ZNF420: variants seen among roughly 807,000 people sequenced by gnomAD.
ZNF420 encodes zinc finger protein 420, also known as ATM and p53-associated KZNF protein.
Under a neutral mutation model 44.7 loss-of-function variants are expected in ZNF420, and 31 were observed. The ratio of observed to expected loss-of-function variants is 0.69; its 90% confidence interval spans 0.52 to 0.94. The LOEUF (loss-of-function observed/expected upper bound fraction) is 0.94, where lower values mean the gene tolerates loss of function less well. Ranked by LOEUF, ZNF420 falls within the 40% of genes least tolerant of loss-of-function variation. The pLI is 0.00. For synonymous variants in ZNF420, 245 were observed against 267.4 expected (o/e 0.92, Z 0.82); for missense variants, 681 against 827.9 (o/e 0.82, Z 2.18).
In ZNF420 at chr19:37,128,179, TG is replaced by T. The variant is rs772822644; in HGVS notation, c.1190del (p.Gly397GlufsTer178). On this transcript the variant is annotated frameshift_variant, in exon 5 of 5. Transcript: ENST00000337995. LOFTEE classifies it high-confidence loss of function. ...NEKPYECKECGKMFSHGSQLT... is the reference protein window; with the variant it reads ...NEKPYECKECXKMFSHGSQLT... ...AAAAGCCCTATGAATGTAAGGAATG[TG>T]GAAAGATGTTTAGTCATGGCTCACA... 1.2e-6 allele frequency: 2 copies of T among 1,614,042 alleles called. No homozygotes were observed. Among genetic ancestry groups the T allele is most frequent in the Admixed American group, 3.3e-5 (2 of 60,008 alleles).
intron 4 of ZNF420, among the ~76,000 whole-genome samples, chr19:37,095,570 A>G (rs182845122): frequency 1.3e-5 from 2 of 152,110 alleles, no homozygotes; most frequent in Admixed American, 1.3e-4. Context: ...TACATTAGGG[A>G]AGGCTTATTG....
chr19:37,129,103 T>G lies in ZNF420; in HGVS notation c.*45T>G, dbSNP rs1971526621. On this transcript the variant is annotated 3_prime_UTR_variant, in exon 5 of 5. Coordinates refer to ENST00000337995, the MANE Select transcript of ZNF420 (RefSeq NM_144689.5). ...TCACTATGAAGAGGTTCTCTGGTTG[T>G]TAGCAGCAAAGAATTCTCACAAATG... is the stretch of plus-strand genomic sequence containing the variant. The G allele has an allele frequency of 6.4e-7, 1 of 1,561,456 alleles. No individual in the cohort carries two copies. The highest frequency in any genetic ancestry group is 8.7e-7 in the Non-Finnish European group (1 of 1,152,306).
intron 1 of ZNF420, among the ~76,000 whole-genome samples, chr19:37,067,992 A>AGT (rs765393804): frequency 2.6e-4 from 40 of 151,844 alleles, no homozygotes; most frequent in Non-Finnish European, 4.1e-4. Context: ...AATATATATT[A>AGT]GTGTGTGTGT....
intron 4 of ZNF420, among the ~76,000 whole-genome samples, chr19:37,099,100 G>A (rs1480682186): frequency 2.6e-5 from 4 of 152,080 alleles, no homozygotes; most frequent in Non-Finnish European, 5.9e-5. Context: ...CACTGAGTTC[G>A]AGTCCATGTT....
At chr19:37,087,427 C>T (rs987791970) in intron 2 of ZNF420, among the ~76,000 whole-genome samples, 1 of 151,910 alleles carries the variant, frequency 6.6e-6, no homozygotes, top group Non-Finnish European at 1.5e-5. Context: ...TATGACTTTT[C>T]ATCTTATCTG....
intron 1 of ZNF420, among the ~76,000 whole-genome samples, chr19:37,011,928 CA>C (rs1203134270): frequency 6.6e-6 from 1 of 152,188 alleles, no homozygotes; most frequent in Non-Finnish European, 1.5e-5. Flanking sequence ...CTGCTCCTCC[CA>C]GGGGCGAGGG....
chr19:37,011,557 G>C (rs1599590422), intron 1 of ZNF420, among the ~76,000 whole-genome samples: 1 of 152,134 alleles, frequency 6.6e-6, no homozygotes, highest in Non-Finnish European at 1.5e-5. Flanking sequence ...GGAGAGGTGG[G>C]GGTGAAGTGA....
chr19:37,104,029 G>A (rs1044391628), intron 4 of ZNF420, among the ~76,000 whole-genome samples: 7 of 144,502 alleles, frequency 4.8e-5, no homozygotes, highest in Admixed American at 2.1e-4. Flanking sequence ...TGTGCACAAC[G>A]TGCAGGTTTG....
intron 4 of ZNF420, among the ~76,000 whole-genome samples, chr19:37,106,192 C>A (rs971181186): frequency 6.6e-6 from 1 of 152,156 alleles, no homozygotes. Flanking sequence ...TACATCCCAT[C>A]AATACCTAAT....
At chr19:37,091,194 T>G in intron 4 of ZNF420, 73 bp downstream of exon 4, 1 of 1,405,124 alleles carries the variant, frequency 7.1e-7, no homozygotes, top group Non-Finnish European at 9.5e-7. Context: ...ATTTCAAATT[T>G]CCTTTTTAAG....
chr19:37,118,372 C>T (rs1970814839), intron 4 of ZNF420, among the ~76,000 whole-genome samples: 1 of 152,104 alleles, frequency 6.6e-6, no homozygotes, highest in Non-Finnish European at 1.5e-5. Flanking sequence ...CCAAACTAAG[C>T]TTCATAAGTG....
chr19:37,126,035 A>G (rs763747719), intron 4 of ZNF420, among the ~76,000 whole-genome samples: 5 of 152,168 alleles, frequency 3.3e-5, no homozygotes, highest in African/African-American at 4.8e-5. Context: ...CTAAGTGGAA[A>G]TGTGGACCCA....
chr19:37,033,917 T>C (rs1291911682), intron 1 of ZNF420, among the ~76,000 whole-genome samples: 2 of 152,054 alleles, frequency 1.3e-5, no homozygotes, highest in Non-Finnish European at 1.5e-5. Context: ...GCACCACGCC[T>C]GGCTAATTTT....
intron 1 of ZNF420, among the ~76,000 whole-genome samples, chr19:37,063,673 G>A (rs1967918162): frequency 1.3e-5 from 2 of 151,518 alleles, no homozygotes; most frequent in South Asian, 4.2e-4. Context: ...ATATCCTCCT[G>A]AACCCCATCA....
chr19:37,039,178 C>A (rs911392333), intron 1 of ZNF420, among the ~76,000 whole-genome samples: 5 of 152,196 alleles, frequency 3.3e-5, no homozygotes, highest in Admixed American at 6.5e-5. Flanking sequence ...AATGCTGCTA[C>A]TTTTACCTCA....
At chr19:37,035,276 C>T (rs905450980) in intron 1 of ZNF420, among the ~76,000 whole-genome samples, 3 of 152,224 alleles carry the variant, frequency 2.0e-5, no homozygotes, top group East Asian at 1.9e-4. Flanking sequence ...GATCCTCCAA[C>T]CACTTTCAGT....
intron 1 of ZNF420, among the ~76,000 whole-genome samples, chr19:37,009,671 C>A (rs1466898862): frequency 2.0e-5 from 3 of 152,214 alleles, no homozygotes; most frequent in African/African-American, 7.2e-5. Context: ...AGGCAGAGGG[C>A]TCATGTTTCA....
chr19:37,051,216 A>G (rs1352074609), intron 1 of ZNF420, among the ~76,000 whole-genome samples: 1 of 152,240 alleles, frequency 6.6e-6, no homozygotes, highest in Non-Finnish European at 1.5e-5. Flanking sequence ...CTTTGGTATC[A>G]GGATGATGCT....
At chr19:37,100,438 C>T (rs1433701783) in intron 4 of ZNF420, among the ~76,000 whole-genome samples, 5 of 152,078 alleles carry the variant, frequency 3.3e-5, no homozygotes, top group Non-Finnish European at 5.9e-5. Context: ...GGCGGCCTGG[C>T]GCAGTGGCTC....
Sources: gnomAD v4.1 joint callset for allele counts (sites outside exome capture counted in the v4.1 genomes callset) on GRCh38, gnomAD v4.1.1 for gene constraint, MANE v1.5 for transcripts, NCBI Gene and HGNC (gene_info 2026-07-23, HGNC 2026-07-21) for gene names.